Variants in GLS observed in about 807,000 individuals in gnomAD.
GLS encodes the protein glutaminase kidney isoform, mitochondrial.
Under a neutral mutation model 86.7 loss-of-function variants are expected in GLS, and 36 were observed. The observed-to-expected ratio is 0.42, with a 90% CI of 0.32 to 0.55. The LOEUF (loss-of-function observed/expected upper bound fraction) is 0.55. GLS is among the 20% of genes least tolerant of loss of function. The pLI is 0.17. For synonymous variants in GLS, 317 were observed against 305.9 expected, an observed-to-expected ratio of 1.04 and a Z score of -0.38; for missense variants, 528 against 833.4, an observed-to-expected ratio of 0.63 and a Z score of 4.51.
At position 190,921,859 on chromosome 2, in the gene GLS, T is replaced by G. The variant is rs142622144; in HGVS notation, c.1130+656T>G. On this transcript the variant is annotated intron_variant, in intron 9 of 17. Transcript: ENST00000320717. This position sits in a 1 kb window ranked among gnomAD's most constrained non-coding sequence, Gnocchi z 4.2. ...TAATCAATATGTAAATGTCCCCATC[T>G]CTTCCCCAAATGTCTTTTACAACTT... Among the ~76,000 whole-genome samples, 52 of 152,216 alleles carry G rather than the reference T, an allele frequency of 3.4e-4. No individual in the cohort carries two copies. The highest frequency in any genetic ancestry group is 1.3e-3 in the African/African-American group (52 of 41,568).
chr2:190,883,730 G>GT (rs1181856184), intron 1 of GLS, among the ~76,000 whole-genome samples: 1 of 152,168 alleles, frequency 6.6e-6, no homozygotes, highest in Non-Finnish European at 1.5e-5. Context: ...AACTATGTGA[G>GT]TTGCACTGTT....
intron 7 of GLS, among the ~76,000 whole-genome samples, chr2:190,918,110 G>A (rs1689603634): frequency 6.6e-6 from 1 of 152,126 alleles, no homozygotes; most frequent in Non-Finnish European, 1.5e-5. Flanking sequence ...TCAACTTAAG[G>A]TTACAAGCTG....
Position 190,963,166 on chromosome 2 carries a change from T to G in GLS, c.*180T>G. 2.1e-6 allele frequency: 1 copy of G among 469,566 alleles called. No homozygotes were observed. The highest frequency in any genetic ancestry group is 3.5e-5 in the East Asian group (1 of 28,712). The allele number at this position is 469,566 out of a possible 1,614,324, so 29.1% of individuals were successfully genotyped here. ...TGATCTCTTTGGGAAAAAATAGAAATAAAACAATCTCCCTCCATAATGTGA... is the reference window on the plus strand; with the variant it reads ...TGATCTCTTTGGGAAAAAATAGAAAGAAAACAATCTCCCTCCATAATGTGA... On this transcript the variant is annotated 3_prime_UTR_variant, in exon 18 of 18. Coordinates refer to ENST00000320717, the MANE Select transcript of GLS (RefSeq NM_014905.5).
intron 7 of GLS, among the ~76,000 whole-genome samples, chr2:190,919,283 C>G (rs1689658645): frequency 6.6e-6 from 1 of 152,074 alleles, no homozygotes; most frequent in African/African-American, 2.4e-5. Context: ...CCAGTTGTTT[C>G]TTAAAAACAA....
intron 14 of GLS, chr2:190,934,299 A>C (rs1402126360): frequency 2.1e-6 from 2 of 963,354 alleles, no homozygotes; most frequent in East Asian, 2.3e-4. Flanking sequence ...TCTTGATCAT[A>C]ATGTCTTAAG....
chr2:190,892,476 C>T (rs1030740105), intron 1 of GLS, among the ~76,000 whole-genome samples: 3 of 152,188 alleles, frequency 2.0e-5, no homozygotes, highest in South Asian at 2.1e-4. Flanking sequence ...TCCTATTTGT[C>T]ATTAAAACTT....
At chr2:190,946,583 G>GAGGAAAT (rs1690582209) in intron 14 of GLS, among the ~76,000 whole-genome samples, 1 of 151,412 alleles carries the variant, frequency 6.6e-6, no homozygotes, top group South Asian at 2.1e-4. Flanking sequence ...ATGAAAAACA[G>GAGGAAAT]AGGAAATTTT....
At chr2:190,948,682 G>T (rs1690639656) in intron 14 of GLS, among the ~76,000 whole-genome samples, 1 of 152,158 alleles carries the variant, frequency 6.6e-6, no homozygotes, top group African/African-American at 2.4e-5. Context: ...TAGTGGTGGG[G>T]GAAGTAAGAC....
intron 14 of GLS, among the ~76,000 whole-genome samples, chr2:190,948,485 A>G (rs1365936743): frequency 6.6e-6 from 1 of 152,240 alleles, no homozygotes; most frequent in Non-Finnish European, 1.5e-5. Flanking sequence ...CTACACACAT[A>G]CTATAATAAA....
At position 190,924,408 on chromosome 2, in the gene GLS, A is replaced by T. The variant is rs904269510; in HGVS notation, c.1198-135A>T. 2.3e-5 allele frequency: 15 copies of T among 664,186 alleles called. No individual in the cohort carries two copies. The highest frequency in any genetic ancestry group is 1.9e-4 in the Admixed American group (7 of 37,408). 41.1% of individuals were successfully genotyped at this position (664,186 alleles called of 1,614,324 possible). On this transcript the variant is annotated intron_variant, in intron 10 of 17. Transcript: ENST00000320717. The surrounding 1 kb of genome is among the most constrained non-coding windows in gnomAD (Gnocchi z 5.2). ...TTTTGCTTTTTTATTTCATGTTTAT[A>T]CTCTTTTAGAAGTTACATGCTATTT...
In GLS at chr2:190,897,524, A is replaced by G. The variant is rs919733705; in HGVS notation, c.605+1799A>G. 3.9e-5 allele frequency among the ~76,000 whole-genome samples: 6 copies of G among 152,324 alleles called. No individual in the cohort carries two copies. The highest frequency in any genetic ancestry group is 3.9e-4 in the Admixed American group (6 of 15,296). On this transcript the variant is annotated intron_variant, in intron 3 of 17. Transcript: ENST00000320717. This position sits in a 1 kb window ranked among gnomAD's most constrained non-coding sequence, Gnocchi z 4.3. ...CAACTTGACAAATGTTTTATGGTCT[A>G]TATGAGCAACCAGTAGAAAAGTACA... is the stretch of plus-strand genomic sequence containing the variant.
chr2:190,918,796 T>A (rs948122619), intron 7 of GLS, among the ~76,000 whole-genome samples: 5 of 152,140 alleles, frequency 3.3e-5, no homozygotes, highest in Non-Finnish European at 5.9e-5. Flanking sequence ...GAGGCCATAG[T>A]AGGGTTATTA....
intron 14 of GLS, among the ~76,000 whole-genome samples, chr2:190,950,882 A>G (rs901077136): frequency 1.3e-5 from 2 of 152,222 alleles, no homozygotes; most frequent in African/African-American, 2.4e-5. Context: ...CATTTTGGGT[A>G]TAAGTCTGAG....
Position 190,963,018 on chromosome 2 carries a change from C to G in GLS, c.*32C>G. The G allele has an allele frequency of 6.9e-7, 1 of 1,451,314 alleles. No individual in the cohort carries two copies. Among genetic ancestry groups the G allele is most frequent in the Non-Finnish European group, 9.4e-7 (1 of 1,059,754 alleles). The allele number at this position is 1,451,314 out of a possible 1,614,324, so 89.9% of individuals were successfully genotyped here. On this transcript the variant is annotated 3_prime_UTR_variant, in exon 18 of 18. Coordinates refer to ENST00000320717, the MANE Select transcript of GLS (RefSeq NM_014905.5). ...CAAATCCCAAGATTTAAATCACTTA[C>G]CTATTTAATTGTGGAAAATGATTAT...
chr2:190,953,647 A>C lies in GLS; in HGVS notation c.1712+21A>C, dbSNP rs759620097. ...CGAAGGTATGTTTACAGGATGGATT[A>C]GCATGCACTTTACAGATATTTATGA... On this transcript the variant is annotated intron_variant, in intron 15 of 17. Transcript: ENST00000320717. The surrounding 1 kb of genome is among the most constrained non-coding windows in gnomAD (Gnocchi z 4.0). 1.7e-5 allele frequency: 26 copies of C among 1,511,140 alleles called. No homozygotes were observed. The highest frequency in any genetic ancestry group is 2.1e-5 in the Non-Finnish European group (23 of 1,086,736). 93.6% of individuals were successfully genotyped at this position (1,511,140 alleles called of 1,614,324 possible).
rs765860136 is a variant in GLS at position 190,928,337 on chromosome 2, C to CT, written c.1425+870dup. On this transcript the variant is annotated intron_variant, in intron 12 of 17. Transcript: ENST00000320717. ...TGGATTATCTTGTAAATTATTATTTCTTTTTTTTTTTTTTTGAGACGGAGT... is the reference window on the plus strand; with the variant it reads ...TGGATTATCTTGTAAATTATTATTTCTTTTTTTTTTTTTTTTGAGACGGAGT... 7.7e-3 allele frequency among the ~76,000 whole-genome samples: 1,073 copies of CT among 140,006 alleles called. 7 individuals are homozygous for CT. Among genetic ancestry groups the CT allele is most frequent in the African/African-American group, 0.013 (520 of 38,550 alleles). 91.8% of individuals were successfully genotyped at this position (140,006 alleles called of 152,430 possible).
At position 190,924,841 on chromosome 2, in the gene GLS, G is replaced by A. The variant is rs1200076589; in HGVS notation, c.1248+248G>A. 2.8e-6 allele frequency: 1 copy of A among 362,470 alleles called. No individual in the cohort carries two copies. Among genetic ancestry groups the A allele is most frequent in the Non-Finnish European group, 5.1e-6 (1 of 195,644 alleles). 22.5% of individuals were successfully genotyped at this position (362,470 alleles called of 1,614,324 possible). On this transcript the variant is annotated intron_variant, in intron 11 of 17. Transcript: ENST00000320717. The surrounding 1 kb of genome is among the most constrained non-coding windows in gnomAD (Gnocchi z 5.2). ...GAGGCAGGAGAATCCCTTGAACCTG[G>A]AAGGCCGAGGTTGCAGTGAGCCGAG...
rs770718065 is a variant in GLS, at chr2:190,962,911, G to A, written c.1935G>A (p.Gln645=). ...VFKILQEYQV[Q]YTPQGDSDNG... The stretch of plus-strand genomic sequence containing the variant: ...AAATTCTCCAAGAATACCAAGTCCA[G>A]TACACACCTCAAGGAGATTCTGACA... The change falls in exon 18 of 18, where the codon CAG becomes CAA. Residue 645 remains glutamine, a synonymous_variant. Transcript: ENST00000320717. This position sits in a 1 kb window ranked among gnomAD's most constrained non-coding sequence, Gnocchi z 4.2. 1.2e-5 allele frequency: 20 copies of A among 1,608,060 alleles called. No individual in the cohort carries two copies. Among genetic ancestry groups the A allele is most frequent in the Non-Finnish European group, 1.6e-5 (19 of 1,176,894 alleles).
Position 190,913,642 on chromosome 2 carries a change from C to T in GLS, c.1038+3321C>T, listed in dbSNP as rs962776804. On this transcript the variant is annotated intron_variant, in intron 7 of 17. Coordinates refer to ENST00000320717, the MANE Select transcript of GLS (RefSeq NM_014905.5). This position sits in a 1 kb window ranked among gnomAD's most constrained non-coding sequence, Gnocchi z 6.1. The stretch of plus-strand genomic sequence containing the variant: ...TTTCTTTTCACTGGTAAAAATTTCA[C>T]GTAGTTTTAGTTTAAAAGTTAAGAT... The T allele has an allele frequency of 5.9e-5, 58 of 975,894 alleles. No individual in the cohort carries two copies. In the Admixed American group the frequency reaches 2.2e-3, roughly 37 times the overall value. 60.5% of individuals were successfully genotyped at this position (975,894 alleles called of 1,614,324 possible). A position where few individuals can be genotyped will look rare whatever the true frequency, so the allele number is the denominator to read the frequency against.
Sources: gnomAD v4.1 joint callset for allele counts (sites outside exome capture counted in the v4.1 genomes callset) on GRCh38, gnomAD v4.1.1 for gene constraint, Gnocchi (gnomAD v3.1) non-coding constraint, MANE v1.5 for transcripts, NCBI Gene and HGNC (gene_info 2026-07-23, HGNC 2026-07-21) for gene names.